Variants in TASOR observed in about 807,000 individuals in gnomAD.
The protein encoded by TASOR is transcription activation suppressor, also known as protein TASOR.
In TASOR, 53 loss-of-function variants were observed where a neutral mutation model predicts 178.6. The observed-to-expected ratio is 0.30, with a 90% CI of 0.24 to 0.37. The LOEUF (loss-of-function observed/expected upper bound fraction) is 0.37. Among genes scored for constraint, TASOR ranks in the 10% least tolerant of loss-of-function variants. TASOR has a pLI of 1.00. For missense variants in TASOR, 1,815 were observed against 1,971.4 expected (o/e 0.92, Z 1.50); for synonymous variants, 713 against 696.2 (o/e 1.02, Z -0.38).
chr3:56,669,957 T>C (rs1418918261), intron 4 of TASOR, 116 bp downstream of exon 4: 8 of 918,090 alleles, frequency 8.7e-6, no homozygotes, highest in Admixed American at 3.0e-5. Context: ...CTAGTCTTTT[T>C]CTGGGAACAT....
At chr3:56,625,223 A>G (rs1423658727) in intron 21 of TASOR, among the ~76,000 whole-genome samples, 1 of 152,264 alleles carries the variant, frequency 6.6e-6, no homozygotes, top group Non-Finnish European at 1.5e-5. Flanking sequence ...AGGGCCAGCT[A>G]TACAGCTTAG....
chr3:56,639,857 A>T (rs912889151), intron 16 of TASOR, 129 bp downstream of exon 16: 9 of 723,956 alleles, frequency 1.2e-5, no homozygotes, highest in Non-Finnish European at 1.8e-5. Context: ...AAGACACTGA[A>T]GATGTCAGCA....
intron 6 of TASOR, among the ~76,000 whole-genome samples, chr3:56,667,019 G>C (rs1458778546): frequency 1.3e-5 from 2 of 152,084 alleles, no homozygotes; most frequent in Non-Finnish European, 2.9e-5. Flanking sequence ...CATTCCCCTG[G>C]GAAACTATTG....
chr3:56,651,316 T>A (rs755742873), intron 11 of TASOR, among the ~76,000 whole-genome samples: 9 of 151,952 alleles, frequency 5.9e-5, no homozygotes, highest in Non-Finnish European at 1.3e-4. Flanking sequence ...TTTAAATTAG[T>A]TTATTCTACT....
chr3:56,649,856 T>C (rs1320780772), intron 11 of TASOR, among the ~76,000 whole-genome samples: 1 of 152,124 alleles, frequency 6.6e-6, no homozygotes, highest in Non-Finnish European at 1.5e-5. Flanking sequence ...AATGGACAGT[T>C]TACAAACATC....
At position 56,627,685 on chromosome 3, in the gene TASOR, A is replaced by C; in HGVS notation, c.3927T>G (p.Asp1309Glu). 1 of 1,614,160 alleles carries C rather than the reference A, an allele frequency of 6.2e-7. No individual in the cohort carries two copies. The highest frequency in any genetic ancestry group is 8.5e-7 in the Non-Finnish European group (1 of 1,180,000). The change falls in exon 20 of 24, where the codon GAT becomes GAG. Residue 1309 changes from aspartate to glutamate, a missense_variant. By Grantham distance (45) the Asp-to-Glu change is conservative. This residue lies in a region of TASOR where 134 missense variants were observed against 195.2 expected (regional missense o/e 0.69). Coordinates refer to ENST00000683822, the MANE Select transcript of TASOR (RefSeq NM_001365635.2). ...TATGATTTTTAACATCATCCAGGCTATCAACACCAGCAAAACTAACACAGG... is the reference window on the plus strand; with the variant it reads ...TATGATTTTTAACATCATCCAGGCTCTCAACACCAGCAAAACTAACACAGG... ...KLPCVSFAGV[D>E]SLDDVKNHTY... is the part of the protein sequence containing the mutation.
chr3:56,673,535 C>A, intron 2 of TASOR, 45 bp downstream of exon 2: 1 of 1,348,586 alleles, frequency 7.4e-7, no homozygotes, highest in Non-Finnish European at 9.7e-7. Flanking sequence ...AGGCTGTTAA[C>A]TGGTTCTGAA....
At chr3:56,623,619 A>G in intron 23 of TASOR, 53 bp from the exon 24 acceptor site, 1 of 1,540,780 alleles carries the variant, frequency 6.5e-7, no homozygotes, top group Non-Finnish European at 8.7e-7. Flanking sequence ...AGTTTGTTTA[A>G]GTTTTAAAAT....
chr3:56,642,232 T>G (rs2077139420), intron 14 of TASOR, among the ~76,000 whole-genome samples: 1 of 152,214 alleles, frequency 6.6e-6, no homozygotes, highest in Non-Finnish European at 1.5e-5. Flanking sequence ...CACCTTATCT[T>G]GAATGACTAG....
chr3:56,675,454 G>T (rs1426666803), intron 1 of TASOR, among the ~76,000 whole-genome samples: 1 of 152,066 alleles, frequency 6.6e-6, no homozygotes, highest in African/African-American at 2.4e-5. Flanking sequence ...TGGGATTACG[G>T]GCATGAGCCA....
chr3:56,656,433 C>G (rs1444727723), intron 11 of TASOR, among the ~76,000 whole-genome samples: 8 of 150,828 alleles, frequency 5.3e-5, no homozygotes, highest in African/African-American at 1.9e-4. Context: ...ACAAAAAATA[C>G]AAAAAAAATT....
chr3:56,672,323 T>C lies in TASOR; in HGVS notation c.478-631A>G, dbSNP rs373584231. Reference sequence around the variant, plus strand: ...AATTTATCTTCAGACTAAATTTTCATATGAAATTAACAAATAATCGCTACC... The same window carrying C: ...AATTTATCTTCAGACTAAATTTTCACATGAAATTAACAAATAATCGCTACC... On this transcript the variant is annotated intron_variant, in intron 2 of 23. Transcript: ENST00000683822. Among the ~76,000 whole-genome samples, 15 of 152,322 alleles carry C rather than the reference T, an allele frequency of 9.8e-5. No individual in the cohort carries two copies. The South Asian group carries it at 1.7e-3, about 17-fold the overall frequency.
intron 11 of TASOR, among the ~76,000 whole-genome samples, chr3:56,651,779 G>T (rs1019311971): frequency 1.3e-5 from 2 of 151,118 alleles, no homozygotes; most frequent in Non-Finnish European, 2.9e-5. Flanking sequence ...ACACTCAAAG[G>T]CATCAAAAAT....
intron 13 of TASOR, 111 bp from the exon 14 acceptor site, chr3:56,647,334 G>GTTT: frequency 1.2e-6 from 1 of 827,212 alleles, no homozygotes; most frequent in Non-Finnish European, 1.8e-6. Flanking sequence ...ATACATTAAT[G>GTTT]TTGAACCAGA....
chr3:56,668,329 G>C, intron 6 of TASOR, 68 bp downstream of exon 6: 1 of 1,441,496 alleles, frequency 6.9e-7, no homozygotes, highest in Non-Finnish European at 9.4e-7. Flanking sequence ...CTGAAAGGGA[G>C]ACATTTTAAA....
intron 7 of TASOR, among the ~76,000 whole-genome samples, chr3:56,664,743 C>T (rs1023551232): frequency 2.0e-5 from 3 of 152,174 alleles, no homozygotes; most frequent in African/African-American, 7.2e-5. Flanking sequence ...TATAAATATA[C>T]TTATTCCATT....
At chr3:56,658,768 G>T (rs1236310181) in intron 11 of TASOR, among the ~76,000 whole-genome samples, 1 of 152,116 alleles carries the variant, frequency 6.6e-6, no homozygotes, top group Non-Finnish European at 1.5e-5. Flanking sequence ...TTAGCTGGGT[G>T]TCGTGGCACA....
At chr3:56,676,023 A>C (rs2031265937) in intron 1 of TASOR, among the ~76,000 whole-genome samples, 1 of 152,388 alleles carries the variant, frequency 6.6e-6, no homozygotes, top group South Asian at 2.1e-4. Context: ...CAATTAAAAA[A>C]TAAACAGGAG....
intron 15 of TASOR, among the ~76,000 whole-genome samples, chr3:56,640,485 C>T (rs549256600): frequency 6.8e-4 from 103 of 152,138 alleles, no homozygotes; most frequent in Non-Finnish European, 1.1e-3. Context: ...GTGCTAGGTT[C>T]AACCCATGCC....
Sources: allele counts gnomAD v4.1 joint callset (sites outside exome capture counted in the v4.1 genomes callset), GRCh38; gene constraint gnomAD v4.1.1; regional missense constraint gnomAD v4.1.1; transcripts MANE v1.5; gene names NCBI Gene and HGNC (gene_info 2026-07-23, HGNC 2026-07-21).